THSD7B: variants seen among roughly 807,000 people sequenced by gnomAD.
THSD7B encodes thrombospondin type 1 domain containing 7B.
THSD7B carries 138 observed loss-of-function variants against 213.6 expected under a neutral mutation model. That is an observed-to-expected ratio of 0.65 (90% CI 0.56 to 0.74). The LOEUF is 0.74. Among genes scored for constraint, THSD7B ranks in the 30% least tolerant of loss-of-function variants. THSD7B has a pLI of 0.00. For missense variants in THSD7B, 1,931 were observed against 1,991.5 expected (o/e 0.97, Z 0.58); for synonymous variants, 742 against 687.0 (o/e 1.08, Z -1.25).
At position 137,170,767 on chromosome 2, in the gene THSD7B, C is replaced by G. The variant is rs1317243960; in HGVS notation, c.1552C>G (p.Leu518Val). The G allele has an allele frequency of 2.5e-6, 4 of 1,613,554 alleles. 1 individual carries two copies. The highest frequency in any genetic ancestry group is 3.3e-4 in the Middle Eastern group (2 of 5,974). Residue 518 changes from leucine (L) to valine (V), a missense_variant, in exon 7 of 28, where the codon CTC becomes GTC. Coordinates refer to ENST00000409968, the MANE Select transcript of THSD7B (RefSeq NM_001316349.2). ...ATTTAGAACGAGGCAGCGCCATGTC[C>G]TCATGGAATCTACAGGGCCTGCAGG... is the stretch of plus-strand genomic sequence containing the variant. Reference protein sequence around the residue: ...KGFRTRQRHVLMESTGPAGHC... With the variant: ...KGFRTRQRHVVMESTGPAGHC...
At chr2:136,938,671 C>A (rs566347127) in intron 2 of THSD7B, among the ~76,000 whole-genome samples, 1 of 152,146 alleles carries the variant, frequency 6.6e-6, no homozygotes, top group African/African-American at 2.4e-5. Context: ...TGTATTGAGG[C>A]ACATTTTCCC....
chr2:137,294,957 C>T (rs1404174050), intron 12 of THSD7B, among the ~76,000 whole-genome samples: 1 of 152,014 alleles, frequency 6.6e-6, no homozygotes, highest in African/African-American at 2.4e-5. Flanking sequence ...AAATTTTTTC[C>T]TTATGAAACA....
At chr2:137,079,719 A>G (rs1687703118) in intron 3 of THSD7B, among the ~76,000 whole-genome samples, 1 of 152,228 alleles carries the variant, frequency 6.6e-6, no homozygotes, top group African/African-American at 2.4e-5. Context: ...ACTTTTATTG[A>G]TATGACAATT....
chr2:137,552,496 T>C (rs1680868765), intron 15 of THSD7B, among the ~76,000 whole-genome samples: 2 of 152,192 alleles, frequency 1.3e-5, no homozygotes, highest in African/African-American at 2.4e-5. Context: ...GTAAGGATCA[T>C]ACCAACCTTG....
At chr2:137,592,856 G>A (rs1488579541) in intron 17 of THSD7B, among the ~76,000 whole-genome samples, 1 of 151,880 alleles carries the variant, frequency 6.6e-6, no homozygotes, top group Non-Finnish European at 1.5e-5. Context: ...CTGCTTTTCA[G>A]TGTATATGTA....
intron 1 of THSD7B, among the ~76,000 whole-genome samples, chr2:136,880,646 C>T (rs1205320623): frequency 6.6e-6 from 1 of 152,110 alleles, no homozygotes; most frequent in Non-Finnish European, 1.5e-5. Context: ...GTCTTTCTGT[C>T]CTTTTTCATC....
At chr2:137,567,073 G>C (rs1490557211) in intron 16 of THSD7B, among the ~76,000 whole-genome samples, 1 of 152,132 alleles carries the variant, frequency 6.6e-6, no homozygotes, top group Non-Finnish European at 1.5e-5. Flanking sequence ...ATAAAGACTG[G>C]ATATTATTCT....
intron 2 of THSD7B, among the ~76,000 whole-genome samples, chr2:137,055,580 C>CAGCT (rs1296766834): frequency 6.6e-6 from 1 of 152,128 alleles, no homozygotes; most frequent in Non-Finnish European, 1.5e-5. Context: ...CGTCAATGGG[C>CAGCT]AGCTCCCTCA....
At chr2:136,901,893 T>A (rs1684070113) in intron 2 of THSD7B, among the ~76,000 whole-genome samples, 1 of 152,234 alleles carries the variant, frequency 6.6e-6, no homozygotes, top group Non-Finnish European at 1.5e-5. Flanking sequence ...CCTTGATTGA[T>A]TTTGAAATAG....
intron 9 of THSD7B, among the ~76,000 whole-genome samples, chr2:137,235,792 A>G (rs575013671): frequency 6.6e-6 from 1 of 152,332 alleles, no homozygotes; most frequent in African/African-American, 2.4e-5. Flanking sequence ...TTACCAACAC[A>G]GAAAAATCAA....
chr2:137,618,696 G>A (rs1402759137), intron 19 of THSD7B, among the ~76,000 whole-genome samples, 189 bp downstream of exon 19: 2 of 152,172 alleles, frequency 1.3e-5, no homozygotes, highest in African/African-American at 2.4e-5. Flanking sequence ...AAATGACTGG[G>A]AAAGGTCATT....
intron 13 of THSD7B, 115 bp downstream of exon 13, chr2:137,405,922 C>A: frequency 1.2e-6 from 1 of 860,426 alleles, no homozygotes; most frequent in Non-Finnish European, 1.8e-6. Context: ...CCTCTCTCTC[C>A]ATTCGTTAAT....
chr2:137,468,913 G>A (rs1688042906), intron 15 of THSD7B, among the ~76,000 whole-genome samples: 1 of 152,140 alleles, frequency 6.6e-6, no homozygotes, highest in Non-Finnish European at 1.5e-5. Context: ...ATGTATCGGT[G>A]TGGTCAAAAG....
intron 12 of THSD7B, among the ~76,000 whole-genome samples, chr2:137,336,247 A>G (rs1684637324): frequency 6.6e-6 from 1 of 152,204 alleles, no homozygotes; most frequent in East Asian, 1.9e-4. Context: ...TGCCTTCCAA[A>G]GCTGCAATAA....
At chr2:137,328,628 T>G (rs1684424946) in intron 12 of THSD7B, among the ~76,000 whole-genome samples, 1 of 152,248 alleles carries the variant, frequency 6.6e-6, no homozygotes, top group Non-Finnish European at 1.5e-5. Flanking sequence ...GAACCATTCC[T>G]TCCCAAATTC....
intron 15 of THSD7B, among the ~76,000 whole-genome samples, chr2:137,481,895 C>A (rs529541083): frequency 6.6e-6 from 1 of 152,062 alleles, no homozygotes; most frequent in Non-Finnish European, 1.5e-5. Context: ...AGAGTTTAGC[C>A]GGCTGGCCGC....
intron 1 of THSD7B, among the ~76,000 whole-genome samples, chr2:136,866,509 G>T (rs1683335331): frequency 1.3e-5 from 2 of 152,026 alleles, no homozygotes; most frequent in African/African-American, 4.8e-5. Flanking sequence ...TCTTAACTCT[G>T]AAAAAAGGTG....
At chr2:137,027,465 G>A (rs1245636618) in intron 2 of THSD7B, among the ~76,000 whole-genome samples, 3 of 152,166 alleles carry the variant, frequency 2.0e-5, no homozygotes, top group African/African-American at 4.8e-5. Flanking sequence ...CAGAAGGAAC[G>A]CAAATTTTAC....
At chr2:137,270,521 CCATTAGTGGAGGA>C (rs1682707727) in intron 10 of THSD7B, among the ~76,000 whole-genome samples, 1 of 152,036 alleles carries the variant, frequency 6.6e-6, no homozygotes, top group African/African-American at 2.4e-5. Flanking sequence ...AAGGAGAGGG[CCATTAGTGGAGGA>C]CATTAGTGGA....
Sources: allele counts gnomAD v4.1 joint callset (sites outside exome capture counted in the v4.1 genomes callset), GRCh38; gene constraint gnomAD v4.1.1; transcripts MANE v1.5; gene names NCBI Gene and HGNC (gene_info 2026-07-23, HGNC 2026-07-21).